The following LARP4B variants were observed in gnomAD, a reference collection of about 807,000 sequenced individuals.
LARP4B encodes la-related protein 4B.
In LARP4B, 12 loss-of-function variants were observed where a neutral mutation model predicts 89.8. The observed-to-expected ratio is 0.13, with a 90% confidence interval of 0.09 to 0.22. The LOEUF (loss-of-function observed/expected upper bound fraction) is 0.22. LARP4B is among the 10% of genes least tolerant of loss of function. The pLI is 1.00. For missense variants in LARP4B, 757 were observed against 947.7 expected, an observed-to-expected ratio of 0.80 and a Z score of 2.64; for synonymous variants, 367 against 363.3, an observed-to-expected ratio of 1.01 and a Z score of -0.12.
the LARP4B span, among the ~76,000 whole-genome samples, chr10:976,761 G>A: frequency 1.3e-5 from 2 of 150,182 alleles, no homozygotes; most frequent in Non-Finnish European, 3.0e-5. Flanking sequence ...GTCGTGTAAT[G>A]TGTGGACCTG....
the LARP4B span, chr10:942,703 C>T: frequency 2.0e-5 from 3 of 152,114 alleles, no homozygotes; most frequent in African/African-American, 7.2e-5. Context: ...AGTGGGGAAC[C>T]CATACAGGAA....
At chr10:972,167 A>T in the LARP4B span, 7 of 285,492 alleles carry the variant, frequency 2.5e-5, no homozygotes, top group Non-Finnish European at 4.8e-5. Context: ...AGCTAGGACT[A>T]CAGGCATGTG....
intron 8 of LARP4B, among the ~76,000 whole-genome samples, chr10:835,127 A>G (rs1833133487): frequency 2.6e-5 from 4 of 152,154 alleles, no homozygotes; most frequent in Admixed American, 2.6e-4. Flanking sequence ...TATAATCCTA[A>G]GTTGTTTTTC....
rs372744681 is a variant in LARP4B at position 825,240 on chromosome 10, T to C, written c.1309A>G (p.Ile437Val). ...AATCGATCTGCAGTGAAGTTAAATA[T>C]TGAAGGACTTTCTAATAACCCAGGT... ...RGPGLLESPS[I>V]FNFTADRLIN... Residue 437 changes from isoleucine to valine, a missense_variant, in exon 13 of 18, where the codon ATA (isoleucine) becomes GTA (valine). This residue lies in a region of LARP4B where 387 missense variants were observed against 423.6 expected (regional missense o/e 0.91). Transcript: ENST00000316157. 18 of 1,614,206 alleles carry C rather than the reference T, an allele frequency of 1.1e-5. No individual in the cohort carries two copies. Among genetic ancestry groups the C allele is most frequent in the Non-Finnish European group, 1.4e-5 (17 of 1,180,030 alleles).
intron 3 of LARP4B, among the ~76,000 whole-genome samples, chr10:880,747 TGAG>T: frequency 6.6e-6 from 1 of 152,154 alleles, no homozygotes; most frequent in South Asian, 2.1e-4. Context: ...GAGTTTAGTA[TGAG>T]GATGAGTTAG....
At chr10:947,716 G>A in the LARP4B span, among the ~76,000 whole-genome samples, 1 of 152,110 alleles carries the variant, frequency 6.6e-6, no homozygotes, top group African/African-American at 2.4e-5. Context: ...CCGCCTCCCA[G>A]GTTCAAGCAA....
chr10:808,099 G>A (rs565872554), downstream of LARP4B: 8 of 152,354 alleles, frequency 5.3e-5, no homozygotes, highest in East Asian at 1.5e-3. Context: ...GTAAACCTCT[G>A]ACAGCCATGA....
intron 8 of LARP4B, among the ~76,000 whole-genome samples, chr10:835,457 T>G (rs2131690907): frequency 6.6e-6 from 1 of 152,248 alleles, no homozygotes; most frequent in Middle Eastern, 3.4e-3. Context: ...AGGCTTCCTG[T>G]GTTCTGCGAG....
chr10:917,941 A>T (rs1836869378), intron 1 of LARP4B, among the ~76,000 whole-genome samples: 1 of 152,240 alleles, frequency 6.6e-6, no homozygotes, highest in South Asian at 2.1e-4. Context: ...AGAAAAAATT[A>T]TGCTTCATAA....
At chr10:931,883 CT>C (rs1473421648), upstream of LARP4B, among the ~76,000 whole-genome samples, 1 of 151,136 alleles carries the variant, frequency 6.6e-6, no homozygotes, top group African/African-American at 2.4e-5. Flanking sequence ...CCGCCGCCTT[CT>C]TGGCCTCTCC....
the LARP4B span, among the ~76,000 whole-genome samples, chr10:967,699 C>G: frequency 0.019 from 2,956 of 152,290 alleles, 113 homozygotes; most frequent in African/African-American, 0.067. Context: ...CAGGGGGCAA[C>G]AGAGGGAGGA....
At chr10:850,965 G>T (rs1183534684) in intron 5 of LARP4B, among the ~76,000 whole-genome samples, 2 of 152,108 alleles carry the variant, frequency 1.3e-5, no homozygotes, top group African/African-American at 4.8e-5. Flanking sequence ...TTCTGCTTAA[G>T]CACTACTTAT....
the LARP4B span, among the ~76,000 whole-genome samples, chr10:944,322 T>G: frequency 6.6e-6 from 1 of 152,126 alleles, no homozygotes; most frequent in African/African-American, 2.4e-5. Context: ...GGGAAGGTAG[T>G]TAGTTGGTTT....
intron 3 of LARP4B, among the ~76,000 whole-genome samples, chr10:874,597 A>G (rs1166673343): frequency 6.6e-6 from 1 of 152,242 alleles, no homozygotes; most frequent in African/African-American, 2.4e-5. Context: ...TGCTTTTAGT[A>G]TAAGTAATTC....
chr10:828,259 A>C (rs963928689), intron 11 of LARP4B, among the ~76,000 whole-genome samples: 3 of 152,158 alleles, frequency 2.0e-5, no homozygotes, highest in Non-Finnish European at 4.4e-5. Flanking sequence ...TCTGTTCATG[A>C]AACTTCTCTT....
Position 814,881 on chromosome 10 carries a change from C to T in LARP4B, c.1821-31G>A. The T allele has an allele frequency of 1.3e-6, 2 of 1,579,868 alleles. No homozygotes were observed. The highest frequency in any genetic ancestry group is 1.7e-6 in the Non-Finnish European group (2 of 1,157,788). ...AAAATGCCACCCGATATTTGAATCTCATGCAACATCACAGGCCATTCAAGT... is the reference window on the plus strand; with the variant it reads ...AAAATGCCACCCGATATTTGAATCTTATGCAACATCACAGGCCATTCAAGT... On this transcript the variant is annotated intron_variant, in intron 16 of 17. Coordinates refer to ENST00000316157, the MANE Select transcript of LARP4B (RefSeq NM_015155.3). This position sits in a 1 kb window ranked among gnomAD's most constrained non-coding sequence, Gnocchi z 4.4.
chr10:850,132 T>C (rs1017956246), intron 5 of LARP4B, among the ~76,000 whole-genome samples: 2 of 152,260 alleles, frequency 1.3e-5, no homozygotes, highest in African/African-American at 4.8e-5. Flanking sequence ...GAATTCTGTG[T>C]GTTCAATCAT....
Position 864,273 on chromosome 10 carries a change from A to G in LARP4B, c.142-3T>C, listed in dbSNP as rs764140443. The G allele has an allele frequency of 1.2e-6, 2 of 1,614,096 alleles. No homozygotes were observed. The highest frequency in any genetic ancestry group is 2.2e-5 in the South Asian group (2 of 91,084). ...TCTGAAACCTTAGTTGCTGGTACCT[A>G]GGAAGAAATGTAAGATAGACATTTG... On this transcript the variant is annotated splice_region_variant and splice_polypyrimidine_tract_variant and intron_variant, in intron 3 of 17. Coordinates refer to ENST00000316157, the MANE Select transcript of LARP4B (RefSeq NM_015155.3).
chr10:938,073 A>G, the LARP4B span, among the ~76,000 whole-genome samples: 1,606 of 151,194 alleles, frequency 0.011, 12 homozygotes, highest in Non-Finnish European at 0.016. Flanking sequence ...TTTAGTAGAC[A>G]GGGTTTCTTC....
Sources: allele counts gnomAD v4.1 joint callset (sites outside exome capture counted in the v4.1 genomes callset), GRCh38; gene constraint gnomAD v4.1.1; regional missense constraint gnomAD v4.1.1; non-coding constraint Gnocchi (gnomAD v3.1); transcripts MANE v1.5; gene names NCBI Gene and HGNC (gene_info 2026-07-23, HGNC 2026-07-21).